Variants in FOXP1 observed in about 807,000 individuals in gnomAD.
The protein encoded by FOXP1 is forkhead box protein P1.
A neutral mutation model predicts 98.2 loss-of-function variants in FOXP1; 15 were observed. That is an observed-to-expected ratio of 0.15 (90% CI 0.10 to 0.24). FOXP1 has a LOEUF of 0.24. Ranked by LOEUF, FOXP1 falls within the 10% of genes least tolerant of loss-of-function variation. FOXP1 has a pLI of 1.00. For synonymous variants in FOXP1, 371 were observed against 314.5 expected (o/e 1.18, Z -1.90); for missense variants, 633 against 848.5 (o/e 0.75, Z 3.15).
At chr3:71,221,898 T>C (rs1289563203) in intron 5 of FOXP1, among the ~76,000 whole-genome samples, 1 of 152,192 alleles carries the variant, frequency 6.6e-6, no homozygotes, top group Non-Finnish European at 1.5e-5. Flanking sequence ...TTCACACCTG[T>C]AATCCTAGCA....
chr3:71,077,765 T>C (rs190997861), intron 7 of FOXP1, among the ~76,000 whole-genome samples: 1 of 152,254 alleles, frequency 6.6e-6, no homozygotes, highest in East Asian at 1.9e-4. Context: ...TGTTTTCTAT[T>C]TTCTCTTCTT....
At chr3:71,123,221 T>C (rs2593850) in intron 6 of FOXP1, among the ~76,000 whole-genome samples, 136,816 of 152,168 alleles carry the variant, frequency 0.9, 63,025 homozygotes, top group Non-Finnish European at 0.99. Flanking sequence ...CTGATATCCC[T>C]AGACCCAAGG....
At chr3:71,284,759 C>G (rs1175048036) in intron 5 of FOXP1, among the ~76,000 whole-genome samples, 1 of 150,258 alleles carries the variant, frequency 6.7e-6, no homozygotes, top group African/African-American at 2.5e-5. Flanking sequence ...TCATGAAATA[C>G]TAAATTAAAA....
At chr3:71,140,951 G>GAAA (rs1203035978) in intron 6 of FOXP1, among the ~76,000 whole-genome samples, 7 of 139,768 alleles carry the variant, frequency 5.0e-5, no homozygotes, top group African/African-American at 1.8e-4. Flanking sequence ...TGGTCTCCAA[G>GAAA]AAAAAAAAAA....
intron 3 of FOXP1, among the ~76,000 whole-genome samples, chr3:71,372,437 C>T (rs2079405736): frequency 6.6e-6 from 1 of 152,172 alleles, no homozygotes; most frequent in South Asian, 2.1e-4. Flanking sequence ...AACTCCCATT[C>T]CACGCAGATA....
intron 18 of FOXP1, chr3:70,971,821 A>G: frequency 2.4e-6 from 1 of 417,906 alleles, no homozygotes; most frequent in South Asian, 1.0e-4. Flanking sequence ...ACGTCAAAAA[A>G]GCATTATTCA....
intron 5 of FOXP1, among the ~76,000 whole-genome samples, chr3:71,287,609 G>C (rs948106198): frequency 6.6e-6 from 1 of 151,924 alleles, no homozygotes. Flanking sequence ...GCGAAACCCT[G>C]TCTCTACTAA....
At position 71,339,203 on chromosome 3, in the gene FOXP1, C is replaced by T. The variant is rs372422615; in HGVS notation, c.-73+19947G>A. 1.8e-4 allele frequency among the ~76,000 whole-genome samples: 28 copies of T among 152,292 alleles called. No individual in the cohort carries two copies. In the East Asian group the frequency reaches 4.6e-3, roughly 25 times the overall value. ...AAAATGTATCCTGCTGAGTTGATGC[C>T]GCACACGGCTAAATTTACAACAACA... On this transcript the variant is annotated intron_variant, in intron 4 of 20. Coordinates refer to ENST00000649528, the MANE Select transcript of FOXP1 (RefSeq NM_001349338.3).
chr3:71,363,218 T>C lies in FOXP1; in HGVS notation c.-167-3974A>G, dbSNP rs763767927. Among the ~76,000 whole-genome samples the C allele has an allele frequency of 7.2e-5, 11 of 152,218 alleles. No homozygotes were observed. The South Asian group carries it at 1.0e-3, about 14-fold the overall frequency. ...ATTGATATAATTCTGATATAATTCATTGTAAAATGTGCAATTCAAAATAAG... is the reference window on the plus strand; with the variant it reads ...ATTGATATAATTCTGATATAATTCACTGTAAAATGTGCAATTCAAAATAAG... On this transcript the variant is annotated intron_variant, in intron 3 of 20. Coordinates refer to ENST00000649528, the MANE Select transcript of FOXP1 (RefSeq NM_001349338.3).
At chr3:71,306,513 A>T (rs973495708) in intron 4 of FOXP1, among the ~76,000 whole-genome samples, 2 of 149,956 alleles carry the variant, frequency 1.3e-5, no homozygotes, top group Non-Finnish European at 2.9e-5. Flanking sequence ...ACCTACAAAG[A>T]TCTGTTTGAT....
At chr3:71,578,268 CT>C (rs1024378011) in intron 2 of FOXP1, among the ~76,000 whole-genome samples, 2 of 152,262 alleles carry the variant, frequency 1.3e-5, no homozygotes, top group South Asian at 4.1e-4. Flanking sequence ...CCACTTAATG[CT>C]CTTCAGTCAC....
chr3:71,190,621 G>A (rs1175913332), intron 6 of FOXP1, among the ~76,000 whole-genome samples: 9 of 124,800 alleles, frequency 7.2e-5, no homozygotes, highest in African/African-American at 2.0e-4. Flanking sequence ...CTGGGTGACC[G>A]AGCTAGACCC....
intron 3 of FOXP1, among the ~76,000 whole-genome samples, chr3:71,382,827 ACATCTTCTAATCCTTTGACGG>A (rs2080280125): frequency 6.6e-6 from 1 of 152,188 alleles, no homozygotes; most frequent in African/African-American, 2.4e-5. Flanking sequence ...CACCAGGATA[ACATCTTCTAATCCTTTGACGG>A]CATCTTCTAA....
chr3:71,294,728 C>T (rs929504520), intron 5 of FOXP1, among the ~76,000 whole-genome samples: 2 of 152,184 alleles, frequency 1.3e-5, no homozygotes, highest in African/African-American at 4.8e-5. Context: ...CCCCAGGCTC[C>T]TGGCCACCTA....
At chr3:70,994,999 A>C (rs1339228156) in intron 13 of FOXP1, among the ~76,000 whole-genome samples, 1 of 152,170 alleles carries the variant, frequency 6.6e-6, no homozygotes, top group Non-Finnish European at 1.5e-5. Flanking sequence ...CAGCTTCCTA[A>C]GTGAAGTCAA....
At chr3:71,230,552 A>G (rs1325238880) in intron 5 of FOXP1, among the ~76,000 whole-genome samples, 1 of 152,226 alleles carries the variant, frequency 6.6e-6, no homozygotes, top group Non-Finnish European at 1.5e-5. Context: ...TGCAACTACC[A>G]TCCAAAAAAG....
At chr3:71,306,592 C>T (rs1053464845) in intron 4 of FOXP1, among the ~76,000 whole-genome samples, 3 of 114,572 alleles carry the variant, frequency 2.6e-5, no homozygotes, top group Admixed American at 1.2e-4. Flanking sequence ...TATACTCACA[C>T]ATAATACATT....
At chr3:71,055,636 C>G (rs1275281306) in intron 7 of FOXP1, among the ~76,000 whole-genome samples, 1 of 152,128 alleles carries the variant, frequency 6.6e-6, no homozygotes, top group Non-Finnish European at 1.5e-5. Context: ...CAAATTAATT[C>G]CAGTTAGTCT....
At chr3:71,205,313 A>G (rs763689163) in intron 5 of FOXP1, among the ~76,000 whole-genome samples, 2 of 152,348 alleles carry the variant, frequency 1.3e-5, no homozygotes, top group African/African-American at 4.8e-5. Context: ...AACATTATCC[A>G]TCATAAATAT....
Sources: gnomAD v4.1 joint callset for allele counts (sites outside exome capture counted in the v4.1 genomes callset) on GRCh38, gnomAD v4.1.1 for gene constraint, MANE v1.5 for transcripts, NCBI Gene and HGNC (gene_info 2026-07-23, HGNC 2026-07-21) for gene names.